Variants in ATP7B observed in about 807,000 individuals in gnomAD.
ATP7B encodes ATPase copper transporting beta, also known as copper-transporting ATPase 2.
ATP7B carries 113 observed loss-of-function variants against 118.9 expected under a neutral mutation model. The observed-to-expected ratio is 0.95, with a 90% CI of 0.82 to 1.11. The LOEUF (loss-of-function observed/expected upper bound fraction) is 1.11. Ranked by LOEUF, ATP7B falls within the 50% of genes most tolerant of loss-of-function variation. The pLI is 0.00. For missense variants in ATP7B, 1,867 were observed against 1,871.4 expected, an observed-to-expected ratio of 1.00 and a Z score of 0.04; for synonymous variants, 777 against 727.4, an observed-to-expected ratio of 1.07 and a Z score of -1.10.
At chr13:52,003,688 CA>C (rs1013422921) in intron 1 of ATP7B, among the ~76,000 whole-genome samples, 7 of 152,046 alleles carry the variant, frequency 4.6e-5, no homozygotes, top group African/African-American at 1.7e-4. Context: ...TGTACTGTCA[CA>C]AGTAGGCAGT....
At chr13:52,003,356 G>A (rs1353550912) in intron 1 of ATP7B, among the ~76,000 whole-genome samples, 5 of 152,156 alleles carry the variant, frequency 3.3e-5, no homozygotes, top group East Asian at 1.9e-4. Context: ...GAGGGAGGGA[G>A]AGACAGAGAC....
chr13:51,957,449 G>T, intron 9 of ATP7B, 67 bp downstream of exon 9: 1 of 1,461,688 alleles, frequency 6.8e-7, no homozygotes, highest in Non-Finnish European at 9.6e-7. Context: ...TACAACATGG[G>T]CATCTGATGC....
At chr13:51,993,351 T>A (rs1430510165) in intron 1 of ATP7B, among the ~76,000 whole-genome samples, 1 of 152,114 alleles carries the variant, frequency 6.6e-6, no homozygotes, top group Non-Finnish European at 1.5e-5. Context: ...GAGGATCATT[T>A]GAGCCCAGGA....
chr13:51,989,594 C>A (rs536965306), intron 1 of ATP7B, among the ~76,000 whole-genome samples: 1 of 151,208 alleles, frequency 6.6e-6, no homozygotes, highest in South Asian at 2.1e-4. Flanking sequence ...TATGTACATA[C>A]AAATATGTTA....
chr13:51,933,736 C>T lies in ATP7B; in HGVS notation c.*1020G>A, dbSNP rs905914342. ...AGGCCAGGCGCTAGTCACATGAATT[C>T]TCTACTGAACCCCACGAGGTGACAG... is the stretch of plus-strand genomic sequence containing the variant. On this transcript the variant is annotated 3_prime_UTR_variant, in exon 21 of 21. Transcript: ENST00000242839. The T allele has an allele frequency of 6.6e-6, 1 of 152,338 alleles. No homozygotes were observed. Among genetic ancestry groups the T allele is most frequent in the Middle Eastern group, 3.4e-3 (1 of 296 alleles). The allele number at this position is 152,338 out of a possible 1,614,324, so 9.4% of individuals were successfully genotyped here.
At position 51,974,437 on chromosome 13, in the gene ATP7B, C is replaced by T. The variant is rs1272518428; in HGVS notation, c.783G>A (p.Leu261=). 3.1e-6 allele frequency: 5 copies of T among 1,613,916 alleles called. No homozygotes were observed. Among genetic ancestry groups the T allele is most frequent in the Non-Finnish European group, 4.2e-6 (5 of 1,180,038 alleles). Reference sequence around the variant, plus strand: ...ACTTACAATGCATTCCATCTATTCTCAGTTGGAGGGTGACCACATGGCTTC... The same window carrying T: ...ACTTACAATGCATTCCATCTATTCTTAGTTGGAGGGTGACCACATGGCTTC... ...HQGSHVVTLQ[L]RIDGMHCKSC... Residue 261 remains leucine (L), a synonymous_variant, in exon 2 of 21, where the codon CTG becomes CTA. Coordinates refer to ENST00000242839, the MANE Select transcript of ATP7B (RefSeq NM_000053.4).
At chr13:51,970,082 T>G (rs958164232) in intron 3 of ATP7B, among the ~76,000 whole-genome samples, 1 of 152,208 alleles carries the variant, frequency 6.6e-6, no homozygotes, top group Admixed American at 6.5e-5. Flanking sequence ...ACAAACACTC[T>G]CTGGTTTACA....
rs483352684 is a variant in ATP7B at position 51,950,065 on chromosome 13, C to T, written c.2672G>A (p.Gly891Asp). 1 of 1,614,200 alleles carries T rather than the reference C, an allele frequency of 6.2e-7. No homozygotes were observed. The highest frequency in any genetic ancestry group is 8.5e-7 in the Non-Finnish European group (1 of 1,180,040). The part of the protein sequence containing the change: ...GSVLIKATHV[G>D]NDTTLAQIVK... ...AATCTGAGCCAAAGTGGTGTCATTG[C>T]CCACGTGGGTAGCTTTAATGAGCAC... The change falls in exon 11 of 21, where the codon GGC (glycine) becomes GAC (aspartate). Residue 891 changes from glycine (G) to aspartate (D), a missense_variant. Transcript: ENST00000242839.
chr13:51,969,972 G>A (rs886803459), intron 3 of ATP7B, among the ~76,000 whole-genome samples: 1 of 152,168 alleles, frequency 6.6e-6, no homozygotes, highest in Admixed American at 6.5e-5. Context: ...ACAAATAAAT[G>A]GATCCGAATT....
intron 1 of ATP7B, among the ~76,000 whole-genome samples, chr13:51,983,556 G>GCTCTGCT (rs775680831): frequency 2.0e-5 from 3 of 152,158 alleles, no homozygotes; most frequent in Non-Finnish European, 2.9e-5. Flanking sequence ...CAGTGCTCGA[G>GCTCTGCT]CTCTGCTAAG....
chr13:51,952,665 G>C (rs1958082463), intron 9 of ATP7B, among the ~76,000 whole-genome samples: 1 of 152,144 alleles, frequency 6.6e-6, no homozygotes, highest in Admixed American at 6.5e-5. Context: ...ATAAAACTTA[G>C]TAACTACCAT....
intron 5 of ATP7B, among the ~76,000 whole-genome samples, chr13:51,962,576 T>A (rs1958821186): frequency 6.6e-6 from 1 of 152,184 alleles, no homozygotes; most frequent in African/African-American, 2.4e-5. Flanking sequence ...GCTGGGACTT[T>A]TACACAAAAA....
In ATP7B at chr13:51,939,743, C is replaced by T. The variant is rs118139617; in HGVS notation, c.3557-550G>A. ...GGATGACATACGAGAGGGCACGACT[C>T]CTTTAGTTGTGCCAATTCTGGTTTG... On this transcript the variant is annotated intron_variant, in intron 16 of 20. Coordinates refer to ENST00000242839, the MANE Select transcript of ATP7B (RefSeq NM_000053.4). 5.9e-5 allele frequency among the ~76,000 whole-genome samples: 9 copies of T among 152,238 alleles called. No homozygotes were observed. The East Asian group carries it at 1.5e-3, about 26-fold the overall frequency.
intron 9 of ATP7B, among the ~76,000 whole-genome samples, chr13:51,954,380 T>C (rs761552126): frequency 2.6e-5 from 4 of 152,254 alleles, no homozygotes; most frequent in Non-Finnish European, 4.4e-5. Flanking sequence ...TGAAGGATTT[T>C]CCAATATGAT....
At chr13:51,951,622 G>A (rs191094428) in intron 9 of ATP7B, among the ~76,000 whole-genome samples, 6 of 152,250 alleles carry the variant, frequency 3.9e-5, no homozygotes, top group Admixed American at 3.9e-4. Context: ...TCATCCCTGA[G>A]ACACTCCACT....
chr13:51,987,738 T>C (rs922173691), intron 1 of ATP7B, among the ~76,000 whole-genome samples: 61 of 152,072 alleles, frequency 4.0e-4, no homozygotes, highest in African/African-American at 1.4e-3. Context: ...GAACAGAACA[T>C]GGGCCTCAGA....
At chr13:51,939,006 T>C (rs539699604) in intron 17 of ATP7B, 45 bp downstream of exon 17, 1 of 1,614,198 alleles carries the variant, frequency 6.2e-7, no homozygotes, top group East Asian at 2.2e-5. Context: ...TGTCTCTAAC[T>C]GCTTTTATGA....
At chr13:52,007,030 G>A (rs551118358) in intron 1 of ATP7B, among the ~76,000 whole-genome samples, 8 of 152,258 alleles carry the variant, frequency 5.3e-5, no homozygotes, top group African/African-American at 1.7e-4. Context: ...CATAATGTTT[G>A]TGGACTGAAG....
intron 1 of ATP7B, among the ~76,000 whole-genome samples, chr13:52,006,781 A>G (rs1327634067): frequency 1.3e-5 from 2 of 152,022 alleles, no homozygotes; most frequent in East Asian, 3.9e-4. Context: ...ACCTTTATAC[A>G]TGCTGGTCTC....
Sources: gnomAD v4.1 joint callset for allele counts (sites outside exome capture counted in the v4.1 genomes callset) on GRCh38, gnomAD v4.1.1 for gene constraint, MANE v1.5 for transcripts, NCBI Gene and HGNC (gene_info 2026-07-23, HGNC 2026-07-21) for gene names.